The following SORCS3 variants were observed in gnomAD, a reference collection of about 807,000 sequenced individuals.
SORCS3 encodes sortilin related VPS10 domain containing receptor 3.
A neutral mutation model predicts 146.3 loss-of-function variants in SORCS3; 57 were observed. The ratio of observed to expected loss-of-function variants is 0.39; its 90% confidence interval spans 0.31 to 0.49. The LOEUF (loss-of-function observed/expected upper bound fraction) is 0.49, where lower values mean the gene tolerates loss of function less well. Among genes scored for constraint, SORCS3 ranks in the 20% least tolerant of loss-of-function variants. The pLI is 0.92. For missense variants in SORCS3, 1,341 were observed against 1,575.5 expected (o/e 0.85, Z 2.52); for synonymous variants, 653 against 618.5 (o/e 1.06, Z -0.83).
intron 4 of SORCS3, among the ~76,000 whole-genome samples, chr10:105,003,469 G>A (rs575645581): frequency 3.9e-5 from 6 of 152,114 alleles, no homozygotes; most frequent in Admixed American, 2.0e-4. Context: ...GAATGTCCCC[G>A]AACTCTGCTT....
chr10:104,839,807 G>T (rs116644368), intron 1 of SORCS3, among the ~76,000 whole-genome samples: 1 of 152,124 alleles, frequency 6.6e-6, no homozygotes, highest in African/African-American at 2.4e-5. Context: ...AAAAATGCCC[G>T]TGAGAGAAAG....
chr10:104,726,048 C>A (rs927492192), intron 1 of SORCS3, among the ~76,000 whole-genome samples: 1 of 152,224 alleles, frequency 6.6e-6, no homozygotes, highest in African/African-American at 2.4e-5. Context: ...ATGCAGAAAT[C>A]ACCTGTCTTC....
intron 1 of SORCS3, among the ~76,000 whole-genome samples, chr10:104,765,714 G>T (rs1247277233): frequency 6.6e-6 from 1 of 152,182 alleles, no homozygotes; most frequent in African/African-American, 2.4e-5. Flanking sequence ...AACTCCCAAA[G>T]CTCTCGCACT....
rs531172739 is a variant in SORCS3 at position 105,006,108 on chromosome 10, A to C, written c.954+28615A>C. Among the ~76,000 whole-genome samples, 92 of 152,120 alleles carry C rather than the reference A, an allele frequency of 6.0e-4. 2 individuals carry two copies. The highest frequency in any genetic ancestry group is 3.9e-4 in the Admixed American group (6 of 15,270). On this transcript the variant is annotated intron_variant, in intron 4 of 26. Coordinates refer to ENST00000369701, the MANE Select transcript of SORCS3 (RefSeq NM_014978.3). ...AGGCACATGCCATCACACCCAGCTA[A>C]TTTTTGTATTTTTAGTAGAGACAGG...
chr10:104,798,663 C>T (rs1033378175), intron 1 of SORCS3, among the ~76,000 whole-genome samples: 1 of 152,272 alleles, frequency 6.6e-6, no homozygotes, highest in African/African-American at 2.4e-5. Flanking sequence ...ATCTAGTGCT[C>T]ATGCTCCTTG....
chr10:104,670,041 C>A (rs527859731), intron 1 of SORCS3, among the ~76,000 whole-genome samples: 2 of 152,074 alleles, frequency 1.3e-5, no homozygotes, highest in East Asian at 3.9e-4. Context: ...AATGTCTATT[C>A]AAGTCCTTTG....
intron 9 of SORCS3, among the ~76,000 whole-genome samples, chr10:105,153,808 C>T (rs2056185556): frequency 1.3e-5 from 2 of 152,056 alleles, no homozygotes; most frequent in South Asian, 4.1e-4. Flanking sequence ...CGGTGGCTCA[C>T]ACCTGTAATC....
At chr10:105,084,428 A>G (rs2055645295) in intron 5 of SORCS3, among the ~76,000 whole-genome samples, 1 of 152,258 alleles carries the variant, frequency 6.6e-6, no homozygotes, top group South Asian at 2.1e-4. Flanking sequence ...AAAACTCTGA[A>G]TGTTTGCATC....
At chr10:104,998,557 G>A (rs953362917) in intron 4 of SORCS3, among the ~76,000 whole-genome samples, 1 of 152,038 alleles carries the variant, frequency 6.6e-6, no homozygotes, top group Non-Finnish European at 1.5e-5. Flanking sequence ...TTATTTTTTT[G>A]TATCTCTTCT....
chr10:104,645,170 C>T (rs2015475828), intron 1 of SORCS3, among the ~76,000 whole-genome samples: 1 of 152,198 alleles, frequency 6.6e-6, no homozygotes, highest in African/African-American at 2.4e-5. Context: ...AGTGAGTGGA[C>T]TTGGCCTTGG....
At chr10:104,896,478 T>C (rs752383083) in intron 2 of SORCS3, among the ~76,000 whole-genome samples, 52 of 152,192 alleles carry the variant, frequency 3.4e-4, no homozygotes, top group Non-Finnish European at 7.3e-5. Flanking sequence ...AGGCATAATT[T>C]AAAGTGTGAG....
chr10:105,045,343 G>C (rs2055364304), intron 5 of SORCS3, among the ~76,000 whole-genome samples: 1 of 152,142 alleles, frequency 6.6e-6, no homozygotes, highest in East Asian at 1.9e-4. Context: ...TCTCCACTCT[G>C]TGCTTCTTCA....
chr10:105,205,519 C>A (rs1233379831), intron 16 of SORCS3, among the ~76,000 whole-genome samples: 2 of 152,056 alleles, frequency 1.3e-5, no homozygotes, highest in African/African-American at 2.4e-5. Context: ...AGGAACAAAT[C>A]CTTATTGAGA....
At chr10:104,678,597 A>G in intron 1 of SORCS3, among the ~76,000 whole-genome samples, 1 of 152,208 alleles carries the variant, frequency 6.6e-6, no homozygotes, top group East Asian at 1.9e-4. Context: ...CTAATAGGGC[A>G]TGTGCTCAGG....
chr10:104,825,297 G>A (rs115096542), intron 1 of SORCS3, among the ~76,000 whole-genome samples: 2,087 of 152,248 alleles, frequency 0.014, 33 homozygotes, highest in African/African-American at 0.035. Context: ...AATGAAGGGC[G>A]TGATCTTGGC....
At chr10:104,706,017 G>C (rs915574570) in intron 1 of SORCS3, among the ~76,000 whole-genome samples, 2 of 151,984 alleles carry the variant, frequency 1.3e-5, no homozygotes, top group African/African-American at 4.8e-5. Context: ...TCCAATAACA[G>C]GGTGCAGATT....
At chr10:105,099,529 G>A (rs918372428) in intron 6 of SORCS3, among the ~76,000 whole-genome samples, 3 of 152,196 alleles carry the variant, frequency 2.0e-5, no homozygotes, top group African/African-American at 7.2e-5. Context: ...ATTCAGTTCA[G>A]TTTAACCAGC....
intron 4 of SORCS3, among the ~76,000 whole-genome samples, chr10:104,980,838 T>G (rs2054927771): frequency 6.6e-6 from 1 of 152,196 alleles, no homozygotes; most frequent in Non-Finnish European, 1.5e-5. Context: ...TCTCACTCAG[T>G]AAAGGCACTG....
chr10:104,856,321 A>G lies in SORCS3; in HGVS notation c.695+13462A>G, dbSNP rs145381269. On this transcript the variant is annotated intron_variant, in intron 2 of 26. Coordinates refer to ENST00000369701, the MANE Select transcript of SORCS3 (RefSeq NM_014978.3). ...TATATATCATCAATTAGAGGCATAT[A>G]TATATAAATTAGAGGTATATATTTA... 5.7e-3 allele frequency among the ~76,000 whole-genome samples: 857 copies of G among 151,166 alleles called. 13 individuals carry two copies. Among genetic ancestry groups the G allele is most frequent in the African/African-American group, 0.019 (797 of 41,298 alleles).
Sources: gnomAD v4.1 joint callset for allele counts (sites outside exome capture counted in the v4.1 genomes callset) on GRCh38, gnomAD v4.1.1 for gene constraint, MANE v1.5 for transcripts, NCBI Gene and HGNC (gene_info 2026-07-23, HGNC 2026-07-21) for gene names.